DPP10: variants seen among roughly 807,000 people sequenced by gnomAD.
DPP10 encodes the protein dipeptidyl peptidase like 10, also known as inactive dipeptidyl peptidase 10.
Under a neutral mutation model 120.9 loss-of-function variants are expected in DPP10, and 33 were observed. The observed-to-expected ratio is 0.27, with a 90% CI of 0.21 to 0.37. The LOEUF is 0.37. Ranked by LOEUF, DPP10 falls within the 10% of genes least tolerant of loss-of-function variation. The pLI is 1.00. For synonymous variants in DPP10, 337 were observed against 326.1 expected (o/e 1.03, Z -0.36); for missense variants, 816 against 942.8 (o/e 0.87, Z 1.76).
intron 3 of DPP10, among the ~76,000 whole-genome samples, chr2:115,438,222 AAT>A (rs2071680722): frequency 6.6e-6 from 1 of 152,140 alleles, no homozygotes; most frequent in African/African-American, 2.4e-5. Flanking sequence ...TCATGAAAAA[AAT>A]ATTGCAACAA....
At position 115,102,704 on chromosome 2, in the gene DPP10, C is replaced by G. The variant is rs369141513; in HGVS notation, c.61-206535C>G. 1.1e-4 allele frequency among the ~76,000 whole-genome samples: 16 copies of G among 151,482 alleles called. No individual in the cohort carries two copies. The East Asian group carries it at 3.1e-3, about 30-fold the overall frequency. On this transcript the variant is annotated intron_variant, in intron 1 of 25. Coordinates refer to ENST00000410059, the MANE Select transcript of DPP10 (RefSeq NM_020868.6). ...GATTAGAGGCGTGAGCCACCACGCC[C>G]GGCCATGGGGGAGTTTTGGTACAGA...
At chr2:114,797,619 C>T (rs1217384307) in intron 1 of DPP10, among the ~76,000 whole-genome samples, 1 of 152,184 alleles carries the variant, frequency 6.6e-6, no homozygotes, top group Non-Finnish European at 1.5e-5. Context: ...AAATAAATAA[C>T]ACAGTTCTAG....
intron 1 of DPP10, among the ~76,000 whole-genome samples, chr2:114,748,175 A>C (rs1328300209): frequency 6.6e-6 from 1 of 151,992 alleles, no homozygotes; most frequent in Admixed American, 6.5e-5. Flanking sequence ...AAAATTAAAC[A>C]AAAATCTGTT....
intron 1 of DPP10, among the ~76,000 whole-genome samples, chr2:114,623,295 A>G (rs114713470): frequency 0.014 from 2,152 of 152,226 alleles, 54 homozygotes; most frequent in African/African-American, 0.048. Flanking sequence ...CAAATAGAAA[A>G]TCTCCTGTGA....
intron 1 of DPP10, among the ~76,000 whole-genome samples, chr2:115,200,750 A>G (rs1011199283): frequency 6.6e-6 from 1 of 152,164 alleles, no homozygotes; most frequent in Admixed American, 6.6e-5. Flanking sequence ...CTATTCTCAT[A>G]AATCGCAATT....
intron 1 of DPP10, among the ~76,000 whole-genome samples, chr2:114,560,461 A>G (rs78494221): frequency 0.019 from 2,888 of 152,296 alleles, 42 homozygotes; most frequent in Middle Eastern, 0.031. Context: ...ACAGAAACCA[A>G]AGATTTGTGA....
At chr2:115,183,737 A>G (rs958218108) in intron 1 of DPP10, among the ~76,000 whole-genome samples, 1 of 152,204 alleles carries the variant, frequency 6.6e-6, no homozygotes, top group African/African-American at 2.4e-5. Context: ...GGGATAAATA[A>G]TTAGACTTTT....
intron 1 of DPP10, among the ~76,000 whole-genome samples, chr2:114,721,931 C>G (rs1394584487): frequency 6.6e-6 from 1 of 152,184 alleles, no homozygotes. Context: ...AACTTCAGCT[C>G]TCTTCTTTGT....
At chr2:115,561,722 A>G (rs2015409) in intron 5 of DPP10, among the ~76,000 whole-genome samples, 150,156 of 152,264 alleles carry the variant, frequency 0.99, 74,078 homozygotes, top group East Asian at 1. Flanking sequence ...ATAGACAAAG[A>G]CGTATTATTG....
At chr2:114,769,064 T>C (rs766524530) in intron 1 of DPP10, among the ~76,000 whole-genome samples, 2 of 152,186 alleles carry the variant, frequency 1.3e-5, no homozygotes, top group African/African-American at 2.4e-5. Context: ...GTCATCTCTC[T>C]GCTTGCTGCT....
intron 7 of DPP10, among the ~76,000 whole-genome samples, chr2:115,712,316 G>T (rs921483035): frequency 6.6e-6 from 1 of 150,392 alleles, no homozygotes; most frequent in African/African-American, 2.4e-5. Context: ...TGCCACCACT[G>T]ATCTGACAGG....
At chr2:115,465,638 C>T (rs2074282695) in intron 3 of DPP10, among the ~76,000 whole-genome samples, 1 of 152,096 alleles carries the variant, frequency 6.6e-6, no homozygotes, top group Admixed American at 6.6e-5. Flanking sequence ...GCCTGGCCAA[C>T]ATGGTGAAAC....
At chr2:115,578,375 CA>C (rs2081811324) in intron 5 of DPP10, among the ~76,000 whole-genome samples, 1 of 152,070 alleles carries the variant, frequency 6.6e-6, no homozygotes. Context: ...TGTACACATA[CA>C]CACACACAAC....
intron 1 of DPP10, among the ~76,000 whole-genome samples, chr2:114,625,528 C>T (rs1694446637): frequency 6.6e-6 from 1 of 151,934 alleles, no homozygotes; most frequent in Non-Finnish European, 1.5e-5. Context: ...CTTCTATGAA[C>T]AGAAATCTTC....
intron 1 of DPP10, among the ~76,000 whole-genome samples, chr2:114,853,215 A>G (rs932542268): frequency 5.3e-5 from 8 of 152,168 alleles, no homozygotes; most frequent in African/African-American, 1.9e-4. Flanking sequence ...GATATTGGAA[A>G]TGTTTTATAA....
chr2:114,914,957 C>T (rs1694663265), intron 1 of DPP10, among the ~76,000 whole-genome samples: 1 of 152,036 alleles, frequency 6.6e-6, no homozygotes, highest in Admixed American at 6.6e-5. Context: ...CGGTGAAACC[C>T]CGTCTCTACT....
chr2:114,794,537 A>T (rs1683531029), intron 1 of DPP10, among the ~76,000 whole-genome samples: 1 of 152,216 alleles, frequency 6.6e-6, no homozygotes, highest in Admixed American at 6.5e-5. Flanking sequence ...ACGTTCTGGC[A>T]AGGGAATTCA....
intron 1 of DPP10, among the ~76,000 whole-genome samples, chr2:115,058,276 CAAAAAAAAAAAAA>C (rs556050613): frequency 1.9e-4 from 22 of 114,036 alleles, no homozygotes; most frequent in Admixed American, 3.8e-4. Flanking sequence ...CATAAAGGGA[CAAAAAAAAAAAAA>C]AAAAAAAAAA....
chr2:115,325,862 A>G (rs1290427413), intron 2 of DPP10, among the ~76,000 whole-genome samples: 1 of 152,114 alleles, frequency 6.6e-6, no homozygotes, highest in African/African-American at 2.4e-5. Flanking sequence ...TGGTTGAGAT[A>G]TATGCAGAAA....
Sources: allele counts gnomAD v4.1 joint callset (sites outside exome capture counted in the v4.1 genomes callset), GRCh38; gene constraint gnomAD v4.1.1; transcripts MANE v1.5; gene names NCBI Gene and HGNC (gene_info 2026-07-23, HGNC 2026-07-21).